The following PSD2 variants were observed in gnomAD, a reference collection of about 807,000 sequenced individuals.
PSD2 encodes the protein pleckstrin and Sec7 domain containing 2.
PSD2 carries 38 observed loss-of-function variants against 69.8 expected under a neutral mutation model. The observed-to-expected ratio is 0.54, with a 90% CI of 0.42 to 0.71. PSD2 has a LOEUF of 0.71. PSD2 is among the 30% of genes least tolerant of loss of function. PSD2 has a pLI of 0.00. For synonymous variants in PSD2, 412 were observed against 423.0 expected (o/e 0.97, Z 0.32); for missense variants, 943 against 1,014.5 (o/e 0.93, Z 0.96).
intron 2 of PSD2, among the ~76,000 whole-genome samples, chr5:139,811,939 C>T (rs1759978952): frequency 6.6e-6 from 1 of 152,130 alleles, no homozygotes; most frequent in Admixed American, 6.6e-5. Flanking sequence ...CTGTTGTCCT[C>T]TCGTATCCCT....
intron 9 of PSD2, 127 bp downstream of exon 9, chr5:139,835,893 C>G: frequency 1.2e-6 from 1 of 851,196 alleles, no homozygotes; most frequent in Non-Finnish European, 2.0e-6. Flanking sequence ...GGCCTGATAC[C>G]TGTGTCTAGC....
In PSD2 at chr5:139,806,204, T is replaced by A. The variant is rs529056904; in HGVS notation, c.-50-3187T>A. Among the ~76,000 whole-genome samples, 13 of 152,364 alleles carry A rather than the reference T, an allele frequency of 8.5e-5. No individual in the cohort carries two copies. The South Asian group carries it at 2.3e-3, about 27-fold the overall frequency. On this transcript the variant is annotated intron_variant, in intron 1 of 14. Transcript: ENST00000274710. ...GGGGATCTTGGCCAATGCCAGCCTGTCATTTGCAGGCGTCTCCTTGGGATG... is the reference window on the plus strand; with the variant it reads ...GGGGATCTTGGCCAATGCCAGCCTGACATTTGCAGGCGTCTCCTTGGGATG...
At chr5:139,785,688 G>A in the PSD2 span, among the ~76,000 whole-genome samples, 1 of 152,160 alleles carries the variant, frequency 6.6e-6, no homozygotes, top group African/African-American at 2.4e-5. Context: ...TACTGATATG[G>A]CTCACCTAGA....
At chr5:139,800,399 C>T (rs1441491622) in intron 1 of PSD2, among the ~76,000 whole-genome samples, 1 of 152,218 alleles carries the variant, frequency 6.6e-6, no homozygotes, top group Non-Finnish European at 1.5e-5. Flanking sequence ...TCGCCTCTCC[C>T]ACATGCTAGA....
At chr5:139,825,801 C>T (rs568427519) in intron 7 of PSD2, among the ~76,000 whole-genome samples, 6 of 152,112 alleles carry the variant, frequency 3.9e-5, no homozygotes, top group South Asian at 4.2e-4. Context: ...AGTCTGGGCC[C>T]GGTGCAGACA....
At chr5:139,817,030 C>A (rs966138235) in intron 4 of PSD2, among the ~76,000 whole-genome samples, 1 of 152,236 alleles carries the variant, frequency 6.6e-6, no homozygotes, top group Admixed American at 6.5e-5. Context: ...CTGTGGGTCT[C>A]CACTCAGCAG....
At chr5:139,824,443 C>T (rs976372890) in intron 7 of PSD2, among the ~76,000 whole-genome samples, 3 of 137,528 alleles carry the variant, frequency 2.2e-5, no homozygotes, top group African/African-American at 8.6e-5. Flanking sequence ...GTCGCCTAGG[C>T]TGGAGTGCAG....
chr5:139,830,574 C>CTT (rs1373752863), intron 7 of PSD2, among the ~76,000 whole-genome samples: 2 of 129,830 alleles, frequency 1.5e-5, no homozygotes, highest in Non-Finnish European at 3.1e-5. Context: ...TCCTTTCTTT[C>CTT]TTTCTTTCTT....
At chr5:139,796,339 G>A (rs1343815873) in intron 1 of PSD2, among the ~76,000 whole-genome samples, 2 of 152,224 alleles carry the variant, frequency 1.3e-5, no homozygotes, top group Non-Finnish European at 1.5e-5. Flanking sequence ...ATAATCTGGG[G>A]GTACGCGTGT....
intron 9 of PSD2, 91 bp from the exon 10 acceptor site, chr5:139,836,720 G>C: frequency 1.7e-6 from 2 of 1,146,584 alleles, no homozygotes; most frequent in Non-Finnish European, 2.6e-6. Flanking sequence ...CATGACCCTG[G>C]CTCCTGGAGA....
At chr5:139,751,640 C>T in the PSD2 span, among the ~76,000 whole-genome samples, 24 of 152,136 alleles carry the variant, frequency 1.6e-4, no homozygotes, top group Admixed American at 1.3e-3. Context: ...TGTAATAGTG[C>T]GTGTTTCACA....
In PSD2 at chr5:139,837,185, G is replaced by A. The variant is rs1760747975; in HGVS notation, c.1612G>A (p.Gly538Ser). 3 of 1,614,090 alleles carry A rather than the reference G, an allele frequency of 1.9e-6. No individual in the cohort carries two copies. The highest frequency in any genetic ancestry group is 2.5e-6 in the Non-Finnish European group (3 of 1,179,962). ...CTCCCCAGCGCCCCGTGGGAGGCGT[G>A]GCTGGAAGAAATTCTACGCAGTGCT... ...DGKRTPRGRR[G>S]WKKFYAVLKG... The change falls in exon 11 of 15, where the codon GGC becomes AGC. Residue 538 changes from glycine to serine, a missense_variant. By Grantham distance (56) the Gly-to-Ser change is moderately conservative. Around this residue, in one of 3 missense-constraint regions of PSD2, gnomAD observed 312 missense variants for 400.7 expected, o/e 0.78. Coordinates refer to ENST00000274710, the MANE Select transcript of PSD2 (RefSeq NM_032289.4). The surrounding 1 kb of genome is among the most constrained non-coding windows in gnomAD (Gnocchi z 5.0).
At chr5:139,802,924 C>T (rs181920080) in intron 1 of PSD2, among the ~76,000 whole-genome samples, 214 of 152,302 alleles carry the variant, frequency 1.4e-3, no homozygotes, top group Non-Finnish European at 2.4e-3. Flanking sequence ...CATGCAGCCC[C>T]GGGGACTTCT....
intron 7 of PSD2, among the ~76,000 whole-genome samples, chr5:139,827,659 A>G (rs1760461351): frequency 2.0e-5 from 3 of 152,240 alleles, no homozygotes; most frequent in Non-Finnish European, 4.4e-5. Context: ...ACAGTTCCAC[A>G]TGGCTTGGGA....
the PSD2 span, among the ~76,000 whole-genome samples, chr5:139,757,828 G>C: frequency 6.6e-6 from 1 of 152,150 alleles, no homozygotes; most frequent in Non-Finnish European, 1.5e-5. Flanking sequence ...TGGGGTTGTG[G>C]ACTGAGGAGA....
At chr5:139,746,390 T>A in the PSD2 span, among the ~76,000 whole-genome samples, 4 of 152,206 alleles carry the variant, frequency 2.6e-5, no homozygotes, top group Non-Finnish European at 4.4e-5. This position sits in a 1 kb window ranked among gnomAD's most constrained non-coding sequence, Gnocchi z 4.5. Context: ...GAAGATTTTT[T>A]CCTCTGGCCT....
chr5:139,813,258 T>C (rs780258098), intron 2 of PSD2, 51 bp from the exon 3 acceptor site: 2 of 1,457,146 alleles, frequency 1.4e-6, no homozygotes, highest in Non-Finnish European at 1.8e-6. Context: ...CACCAGCACC[T>C]GTATGGGGGA....
the PSD2 span, among the ~76,000 whole-genome samples, chr5:139,752,761 C>A: frequency 1.3e-5 from 2 of 152,190 alleles, no homozygotes; most frequent in African/African-American, 4.8e-5. Flanking sequence ...CAAGCTCTCG[C>A]CCCCAGCCCC....
chr5:139,787,918 G>T, the PSD2 span, among the ~76,000 whole-genome samples: 1 of 152,256 alleles, frequency 6.6e-6, no homozygotes, highest in East Asian at 1.9e-4. Flanking sequence ...GGTTGGAGCG[G>T]ATAGGAGACT....
Sources: gnomAD v4.1 joint callset for allele counts (sites outside exome capture counted in the v4.1 genomes callset) on GRCh38, gnomAD v4.1.1 for gene constraint, gnomAD v4.1.1 regional missense constraint, Gnocchi (gnomAD v3.1) non-coding constraint, MANE v1.5 for transcripts, NCBI Gene and HGNC (gene_info 2026-07-23, HGNC 2026-07-21) for gene names.